The following CCNH variants were observed in gnomAD, a reference collection of about 807,000 sequenced individuals.
CCNH encodes the protein cyclin-H.
CCNH carries 31 observed loss-of-function variants against 41.9 expected under a neutral mutation model. The ratio of observed to expected loss-of-function variants is 0.74; its 90% CI spans 0.56 to 1.00. The LOEUF (loss-of-function observed/expected upper bound fraction) is 1.00, where lower values mean the gene tolerates loss of function less well. CCNH is among the 50% of genes least tolerant of loss of function. The pLI is 0.00. For missense variants in CCNH, 362 were observed against 388.4 expected (o/e 0.93, Z 0.57); for synonymous variants, 138 against 136.1 (o/e 1.01, Z -0.10).
At chr5:87,363,609 A>G (rs1760278337) in intron 9 of CCNH, 2 of 1,287,580 alleles carry the variant, frequency 1.6e-6, no homozygotes, top group Admixed American at 1.8e-5. Flanking sequence ...TTCTAAAAGT[A>G]GCAGATGCAC....
chr5:87,406,768 A>C (rs1763823302), intron 4 of CCNH, among the ~76,000 whole-genome samples: 1 of 152,116 alleles, frequency 6.6e-6, no homozygotes, highest in African/African-American at 2.4e-5. Flanking sequence ...GAAGCCCAGC[A>C]CTATCTTTTG....
chr5:87,316,736 T>C (rs1369268296), downstream of CCNH, among the ~76,000 whole-genome samples: 5 of 152,216 alleles, frequency 3.3e-5, no homozygotes, highest in African/African-American at 9.7e-5. Flanking sequence ...CTCACAATTA[T>C]AGATACAAAG....
At chr5:87,409,629 C>CCT (rs1554053972) in intron 2 of CCNH, among the ~76,000 whole-genome samples, 1 of 145,990 alleles carries the variant, frequency 6.8e-6, no homozygotes, top group Non-Finnish European at 1.5e-5. Context: ...TTTAAAAATA[C>CCT]GTGTGTGTGT....
At chr5:87,407,728 G>T (rs1168411484) in intron 4 of CCNH, among the ~76,000 whole-genome samples, 1 of 152,008 alleles carries the variant, frequency 6.6e-6, no homozygotes, top group African/African-American at 2.4e-5. Flanking sequence ...TCACTTAAAT[G>T]AGATTGCAGA....
chr5:87,404,832 A>G lies in CCNH; in HGVS notation c.689+12T>C. 2 of 1,579,956 alleles carry G rather than the reference A, an allele frequency of 1.3e-6. No homozygotes were observed. Among genetic ancestry groups the G allele is most frequent in the South Asian group, 1.2e-5 (1 of 85,146 alleles). On this transcript the variant is annotated intron_variant, in intron 5 of 8. Transcript: ENST00000256897. Reference sequence around the variant, plus strand: ...GACTGAATTTGACCTAAGTTAAAAAACTAATTAATACCTTTCCATAGTAAT... The same window carrying G: ...GACTGAATTTGACCTAAGTTAAAAAGCTAATTAATACCTTTCCATAGTAAT...
downstream of CCNH, chr5:87,372,173 C>T (rs1326946649): frequency 1.9e-6 from 3 of 1,613,640 alleles, no homozygotes; most frequent in Non-Finnish European, 2.5e-6. Context: ...AGTCCAGGGA[C>T]ATCCAATAAA....
At chr5:87,336,285 G>A (rs1757966465) in intron 9 of CCNH, among the ~76,000 whole-genome samples, 1 of 151,718 alleles carries the variant, frequency 6.6e-6, no homozygotes, top group African/African-American at 2.4e-5. Context: ...ATTTGAATAT[G>A]GTAAATATCA....
downstream of CCNH, chr5:87,392,371 C>A (rs952718603): frequency 6.6e-6 from 3 of 455,362 alleles, no homozygotes; most frequent in Non-Finnish European, 1.3e-5. Context: ...CTTCAATCAC[C>A]GTTTAACACT....
At chr5:87,338,536 A>ATATATATATATATTTTTTTTTTTT in intron 9 of CCNH, among the ~76,000 whole-genome samples, 1 of 85,216 alleles carries the variant, frequency 1.2e-5, no homozygotes, top group African/African-American at 4.4e-5. Context: ...TATATATAAA[A>ATATATATATATATTTTTTTTTTTT]TTTTTTTTTT....
chr5:87,340,412 T>G (rs1487078772), intron 9 of CCNH, among the ~76,000 whole-genome samples: 1 of 152,044 alleles, frequency 6.6e-6, no homozygotes, highest in East Asian at 1.9e-4. Flanking sequence ...TGCTATTCAT[T>G]TTTATAGTTT....
chr5:87,316,221 G>A (rs1756324352), downstream of CCNH, among the ~76,000 whole-genome samples: 1 of 152,238 alleles, frequency 6.6e-6, no homozygotes, highest in South Asian at 2.1e-4. Flanking sequence ...TGTAATAGAT[G>A]TGCCCTCTAA....
At chr5:87,379,234 A>C (rs1761536592), upstream of CCNH, among the ~76,000 whole-genome samples, 1 of 152,168 alleles carries the variant, frequency 6.6e-6, no homozygotes, top group South Asian at 2.1e-4. Flanking sequence ...ATGTGGGGTA[A>C]TGCCATAGTT....
At chr5:87,397,802 A>C (rs1365472131) in intron 7 of CCNH, among the ~76,000 whole-genome samples, 1 of 152,220 alleles carries the variant, frequency 6.6e-6, no homozygotes, top group African/African-American at 2.4e-5. Flanking sequence ...GGGTGGATAA[A>C]CTTTTTCTTT....
rs186396499 is a variant in CCNH, at chr5:87,337,913, C to T, written c.*91-19016G>A. ...CCCTATCCTATTTTGTGGTATATGA[C>T]TATTCTAATCTCTGTATTTAAAATT... On this transcript the variant is annotated intron_variant and NMD_transcript_variant, in intron 9 of 9. Transcript: ENST00000645953. 11 of 1,483,824 alleles carry T rather than the reference C, an allele frequency of 7.4e-6. No individual in the cohort carries two copies. In the East Asian group the frequency reaches 1.8e-4, roughly 24 times the overall value. The allele number at this position is 1,483,824 out of a possible 1,614,324, so 91.9% of individuals were successfully genotyped here.
At chr5:87,374,764 T>A (rs1044470010), downstream of CCNH, 33 of 1,579,800 alleles carry the variant, frequency 2.1e-5, no homozygotes, top group Non-Finnish European at 2.8e-5. Context: ...GGGGTTTATT[T>A]GATACTAGAA....
At chr5:87,346,595 A>G (rs925389797) in intron 9 of CCNH, 2 of 857,240 alleles carry the variant, frequency 2.3e-6, no homozygotes, top group Non-Finnish European at 3.8e-6. Flanking sequence ...AACTTACTAT[A>G]TTGGTTGTTT....
At chr5:87,398,093 T>C (rs574503438) in intron 7 of CCNH, among the ~76,000 whole-genome samples, 2 of 152,372 alleles carry the variant, frequency 1.3e-5, no homozygotes, top group Non-Finnish European at 2.9e-5. Context: ...ATTACTTCTC[T>C]GTAACCACTC....
chr5:87,340,843 T>A (rs562709435), intron 9 of CCNH, among the ~76,000 whole-genome samples: 2 of 152,266 alleles, frequency 1.3e-5, no homozygotes, highest in South Asian at 4.1e-4. Context: ...AAGTTATGTG[T>A]GACCATGGTA....
At chr5:87,382,982 A>G (rs939954808) in intron 9 of CCNH, among the ~76,000 whole-genome samples, 3 of 151,672 alleles carry the variant, frequency 2.0e-5, no homozygotes, top group African/African-American at 4.9e-5. Context: ...AGTCCTAACT[A>G]CTCTAAGCCT....
Sources: gnomAD v4.1 joint callset for allele counts (sites outside exome capture counted in the v4.1 genomes callset) on GRCh38, gnomAD v4.1.1 for gene constraint, MANE v1.5 for transcripts, NCBI Gene and HGNC (gene_info 2026-07-23, HGNC 2026-07-21) for gene names.